The following EFHD1 variants were observed in gnomAD, a reference collection of about 807,000 sequenced individuals.
EFHD1 encodes the protein EF-hand domain family member D1, also known as EF-hand domain-containing protein D1.
Under a neutral mutation model 17.2 loss-of-function variants are expected in EFHD1, and 10 were observed. The observed-to-expected ratio is 0.58, with a 90% CI of 0.36 to 0.99. The LOEUF (loss-of-function observed/expected upper bound fraction) is 0.99, where lower values mean the gene tolerates loss of function less well. EFHD1 is among the 50% of genes least tolerant of loss of function. The pLI is 0.01. For missense variants in EFHD1, 310 were observed against 327.5 expected (o/e 0.95, Z 0.41); for synonymous variants, 153 against 142.0 (o/e 1.08, Z -0.55).
At chr2:232,637,091 A>G (rs1048506939) in intron 1 of EFHD1, among the ~76,000 whole-genome samples, 3 of 152,198 alleles carry the variant, frequency 2.0e-5, no homozygotes, top group Admixed American at 6.5e-5. Flanking sequence ...AGTGGGTAGC[A>G]TAAAACAACA....
At chr2:232,673,757 A>G (rs1455225935) in intron 3 of EFHD1, among the ~76,000 whole-genome samples, 1 of 152,008 alleles carries the variant, frequency 6.6e-6, no homozygotes, top group Non-Finnish European at 1.5e-5. Flanking sequence ...ATTTTTTGAG[A>G]TGGAGTGTCG....
At chr2:232,645,644 G>A (rs1185780244) in intron 1 of EFHD1, among the ~76,000 whole-genome samples, 1 of 152,140 alleles carries the variant, frequency 6.6e-6, no homozygotes, top group Non-Finnish European at 1.5e-5. Context: ...TATAATGGCT[G>A]ACTTCATGGA....
intron 1 of EFHD1, among the ~76,000 whole-genome samples, chr2:232,637,802 T>G (rs1010206482): frequency 6.6e-6 from 1 of 152,202 alleles, no homozygotes; most frequent in Non-Finnish European, 1.5e-5. Flanking sequence ...GGAGACATGC[T>G]TTGATCGTTT....
chr2:232,613,129 A>G (rs920625036), intron 1 of EFHD1, among the ~76,000 whole-genome samples: 4 of 151,628 alleles, frequency 2.6e-5, no homozygotes, highest in Non-Finnish European at 5.9e-5. Context: ...AAATATATGA[A>G]AGCATATGTC....
chr2:232,634,158 T>C (rs1483399820), intron 1 of EFHD1, 152 bp downstream of exon 1: 17 of 1,419,362 alleles, frequency 1.2e-5, no homozygotes, highest in Non-Finnish European at 1.4e-5. Context: ...CGTGCTCGGG[T>C]CTATCTCGGC....
intron 1 of EFHD1, among the ~76,000 whole-genome samples, chr2:232,617,667 A>AT (rs1693952122): frequency 6.9e-6 from 1 of 145,290 alleles, no homozygotes; most frequent in Non-Finnish European, 1.5e-5. Context: ...AAAAAAAAAA[A>AT]AGAATGCTGC....
At chr2:232,647,234 G>A (rs75666052) in intron 1 of EFHD1, among the ~76,000 whole-genome samples, 77 of 152,374 alleles carry the variant, frequency 5.1e-4, no homozygotes, top group African/African-American at 1.8e-3. Context: ...GGCCTGGAGT[G>A]GAGAAAGCAG....
chr2:232,613,959 C>G (rs1559335909), intron 1 of EFHD1, among the ~76,000 whole-genome samples: 1 of 151,916 alleles, frequency 6.6e-6, no homozygotes. Flanking sequence ...AATATACACA[C>G]ACATACACAC....
Position 232,673,140 on chromosome 2 carries a change from G to A in EFHD1, c.585+697G>A, listed in dbSNP as rs138320201. ...TAAGATACAACTCCTTTCTAAAGGCGAAGTGGTCATAACTGTTGCCCTTCC... is the reference window on the plus strand; with the variant it reads ...TAAGATACAACTCCTTTCTAAAGGCAAAGTGGTCATAACTGTTGCCCTTCC... On this transcript the variant is annotated intron_variant, in intron 3 of 3. Coordinates refer to ENST00000264059, the MANE Select transcript of EFHD1 (RefSeq NM_025202.4). Among the ~76,000 whole-genome samples, 204 of 152,356 alleles carry A rather than the reference G, an allele frequency of 1.3e-3. 1 individual carries two copies. The highest frequency in any genetic ancestry group is 4.5e-3 in the African/African-American group (188 of 41,588).
At chr2:232,634,144 C>T (rs1574709489) in intron 1 of EFHD1, 138 bp downstream of exon 1, 5 of 1,438,616 alleles carry the variant, frequency 3.5e-6, no homozygotes, top group African/African-American at 1.5e-5. Context: ...GCAGCCAGAT[C>T]TTGCGTGCTC....
intron 1 of EFHD1, among the ~76,000 whole-genome samples, chr2:232,627,559 C>T (rs371434889): frequency 1.3e-5 from 2 of 152,128 alleles, no homozygotes; most frequent in African/African-American, 2.4e-5. Flanking sequence ...GTATTTCCAG[C>T]GACCTGTGGA....
At chr2:232,655,177 C>T (rs1239797982) in intron 1 of EFHD1, among the ~76,000 whole-genome samples, 1 of 152,178 alleles carries the variant, frequency 6.6e-6, no homozygotes, top group Non-Finnish European at 1.5e-5. Context: ...ACTGAAGGCA[C>T]CTTAGTGGTC....
At chr2:232,626,816 A>G (rs1694110001) in intron 1 of EFHD1, among the ~76,000 whole-genome samples, 1 of 152,096 alleles carries the variant, frequency 6.6e-6, no homozygotes, top group African/African-American at 2.4e-5. Context: ...AACAATGAAC[A>G]AAGTGAGCCT....
intron 1 of EFHD1, among the ~76,000 whole-genome samples, chr2:232,627,053 TATATATATA>T (rs1297237966): frequency 5.5e-5 from 6 of 109,206 alleles, no homozygotes; most frequent in African/African-American, 2.1e-4. Context: ...TATATATATA[TATATATATA>T]TATTTTTTTT....
At chr2:232,645,697 T>C (rs2106200587) in intron 1 of EFHD1, among the ~76,000 whole-genome samples, 1 of 152,258 alleles carries the variant, frequency 6.6e-6, no homozygotes. Context: ...CCACTGACTG[T>C]GTGCAGGGCT....
chr2:232,638,897 A>G (rs563545446), intron 1 of EFHD1, among the ~76,000 whole-genome samples: 7 of 152,292 alleles, frequency 4.6e-5, no homozygotes, highest in Admixed American at 1.3e-4. Context: ...GTAGGGTAAG[A>G]GGACCTAGGG....
intron 3 of EFHD1, among the ~76,000 whole-genome samples, chr2:232,677,235 CACACACGT>C (rs1214722373): frequency 1.6e-5 from 2 of 128,218 alleles, no homozygotes; most frequent in Middle Eastern, 4.0e-3. Context: ...CACACACACA[CACACACGT>C]ACACACACAC....
chr2:232,613,785 C>T (rs1446127098), intron 1 of EFHD1, among the ~76,000 whole-genome samples: 2 of 149,304 alleles, frequency 1.3e-5, no homozygotes, highest in Admixed American at 6.7e-5. Context: ...CAAATATACA[C>T]ACACATATAC....
intron 1 of EFHD1, among the ~76,000 whole-genome samples, chr2:232,627,044 A>C (rs1473650): frequency 0.28 from 22,446 of 80,108 alleles, 2,595 homozygotes; most frequent in East Asian, 0.52. Context: ...CTCTATATAT[A>C]TATATATATA....
Sources: gnomAD v4.1 joint callset for allele counts (sites outside exome capture counted in the v4.1 genomes callset) on GRCh38, gnomAD v4.1.1 for gene constraint, MANE v1.5 for transcripts, NCBI Gene and HGNC (gene_info 2026-07-23, HGNC 2026-07-21) for gene names.